Variants in SRGAP2 observed in about 807,000 individuals in gnomAD.
The protein encoded by SRGAP2 is SLIT-ROBO Rho GTPase-activating protein 2.
SRGAP2 carries 15 observed loss-of-function variants against 57.2 expected under a neutral mutation model. The observed-to-expected ratio is 0.26, with a 90% CI of 0.18 to 0.40. SRGAP2 has a LOEUF of 0.40. Ranked by LOEUF, SRGAP2 falls within the 10% of genes least tolerant of loss-of-function variation. SRGAP2 has a pLI of 1.00. For missense variants in SRGAP2, 520 were observed against 669.6 expected (o/e 0.78, Z 2.47); for synonymous variants, 249 against 248.0 (o/e 1.00, Z -0.04).
chr1:206,430,040 GCTT>G, intron 13 of SRGAP2, 119 bp from the exon 14 acceptor site: 1 of 705,232 alleles, frequency 1.4e-6, no homozygotes, highest in Non-Finnish European at 2.6e-6. Context: ...CAGGCCAGGT[GCTT>G]CTTTGTAGAC....
intron 7 of SRGAP2, among the ~76,000 whole-genome samples, chr1:206,399,483 G>A (rs1368536301): frequency 6.6e-6 from 1 of 151,710 alleles, no homozygotes; most frequent in Non-Finnish European, 1.5e-5. Context: ...GGTATTTTAG[G>A]TTCTTCAACA....
At chr1:206,225,832 A>G (rs1667242688) in intron 2 of SRGAP2, among the ~76,000 whole-genome samples, 1 of 151,256 alleles carries the variant, frequency 6.6e-6, no homozygotes, top group African/African-American at 2.4e-5. Flanking sequence ...GAGAGAGAAA[A>G]CTGGAGTTCT....
chr1:206,414,898 C>G (rs1168276870), intron 10 of SRGAP2, among the ~76,000 whole-genome samples: 2 of 152,210 alleles, frequency 1.3e-5, no homozygotes, highest in African/African-American at 4.8e-5. Context: ...AGCATTAATA[C>G]TACAAAATTT....
intron 2 of SRGAP2, among the ~76,000 whole-genome samples, chr1:206,222,983 A>G (rs1362586403): frequency 2.0e-5 from 3 of 151,448 alleles, no homozygotes; most frequent in Non-Finnish European, 4.4e-5. Context: ...TGTGTTGGCC[A>G]GGCTGGTCTT....
At chr1:206,286,249 A>G (rs1332458696) in intron 2 of SRGAP2, among the ~76,000 whole-genome samples, 7 of 151,364 alleles carry the variant, frequency 4.6e-5, no homozygotes, top group African/African-American at 7.3e-5. Flanking sequence ...ATAAATAATG[A>G]AGGAAAAACA....
chr1:206,437,992 C>T lies in SRGAP2; in HGVS notation c.1662C>T (p.Asn554=), dbSNP rs534685024. The T allele has an allele frequency of 1.1e-4, 88 of 780,718 alleles. 2 individuals are homozygous for T. The highest frequency in any genetic ancestry group is 1.1e-3 in the South Asian group (79 of 74,630). The allele number at this position is 780,718 out of a possible 1,614,324, so 48.4% of individuals were successfully genotyped here. The change falls in exon 16 of 23, where the codon AAC becomes AAT. Residue 554 remains asparagine (N), a synonymous_variant. Coordinates refer to ENST00000573034, the MANE Select transcript of SRGAP2 (RefSeq NM_015326.5). ...RGEDPLAGDQ[N]DHDMDSIAGV... ...AGGACCCCCTGGCTGGGGACCAGAA[C>T]GACCATGACATGGATTCCATAGCTG...
At chr1:206,313,944 C>T (rs1236556056) in intron 3 of SRGAP2, among the ~76,000 whole-genome samples, 2 of 151,798 alleles carry the variant, frequency 1.3e-5, no homozygotes, top group South Asian at 2.1e-4. Flanking sequence ...GCACCTGGTA[C>T]AGGAAGAATC....
chr1:206,351,093 C>T (rs1676006170), intron 4 of SRGAP2, among the ~76,000 whole-genome samples: 1 of 152,242 alleles, frequency 6.6e-6, no homozygotes, highest in East Asian at 1.9e-4. Context: ...GATAGGATTT[C>T]CTATGGCGTG....
chr1:206,266,956 G>A (rs1255767641), intron 2 of SRGAP2, among the ~76,000 whole-genome samples: 24 of 133,226 alleles, frequency 1.8e-4, no homozygotes, highest in African/African-American at 7.0e-4. Context: ...AATCTTTCCA[G>A]CAAAACTTAC....
chr1:206,438,089 G>A lies in SRGAP2; in HGVS notation c.1759G>A (p.Ala587Thr), dbSNP rs182729699. The A allele has an allele frequency of 2.4e-5, 19 of 780,738 alleles. No individual in the cohort carries two copies. The highest frequency in any genetic ancestry group is 1.7e-4 in the Admixed American group (10 of 59,034). 48.4% of individuals were successfully genotyped at this position (780,738 alleles called of 1,614,324 possible). ...CAAGGACATCTTTCATGACCTGATG[G>A]CCTGCGTCAGTAAGTACCATTCTGG... is the stretch of plus-strand genomic sequence containing the variant. The part of the protein sequence containing the change: ...FPKDIFHDLM[A>T]CVTMDNLQER... Residue 587 changes from alanine to threonine, a missense_variant, in exon 16 of 23, where the codon GCC becomes ACC. Transcript: ENST00000573034.
chr1:206,446,100 A>T lies in SRGAP2; in HGVS notation c.1900A>T (p.Met634Leu), dbSNP rs1553373621. Residue 634 changes from methionine (M) to leucine (L), a missense_variant, in exon 18 of 23, where the codon ATG becomes TTG. Met to Leu is a conservative substitution (Grantham distance 15). Transcript: ENST00000573034. ...NHLSQFSEEN[M>L]MDPYNLAICF... is the part of the protein sequence containing the mutation. ...TTTATCACAGTTCAGTGAAGAGAAC[A>T]TGATGGACCCCTACAACCTCGCCAT... The T allele has an allele frequency of 1.3e-6, 1 of 780,700 alleles. No individual in the cohort carries two copies. The highest frequency in any genetic ancestry group is 1.7e-5 in the African/African-American group (1 of 59,124). 48.4% of individuals were successfully genotyped at this position (780,700 alleles called of 1,614,324 possible).
At chr1:206,353,491 A>G (rs1383466761) in intron 4 of SRGAP2, among the ~76,000 whole-genome samples, 1 of 151,910 alleles carries the variant, frequency 6.6e-6, no homozygotes, top group Non-Finnish European at 1.5e-5. Flanking sequence ...TACTAAAAAT[A>G]CAAAAATTAG....
At chr1:206,402,101 G>A (rs1658245704) in intron 8 of SRGAP2, among the ~76,000 whole-genome samples, 1 of 151,948 alleles carries the variant, frequency 6.6e-6, no homozygotes, top group Admixed American at 6.6e-5. Flanking sequence ...GCTTTAGTGG[G>A]GAAGCGAGGG....
intron 4 of SRGAP2, among the ~76,000 whole-genome samples, chr1:206,351,096 A>G (rs1191041230): frequency 2.0e-5 from 3 of 152,204 alleles, no homozygotes; most frequent in Admixed American, 6.5e-5. Context: ...AGGATTTCCT[A>G]TGGCGTGTCT....
At chr1:206,272,474 C>T (rs1327735289) in intron 2 of SRGAP2, among the ~76,000 whole-genome samples, 16 of 151,696 alleles carry the variant, frequency 1.1e-4, no homozygotes, top group Admixed American at 9.2e-4. Context: ...TGCAGTGGCA[C>T]GATCTCGGCT....
chr1:206,253,599 G>A (rs1485980749), intron 2 of SRGAP2, among the ~76,000 whole-genome samples: 4 of 115,742 alleles, frequency 3.5e-5, no homozygotes, highest in Admixed American at 3.0e-4. Flanking sequence ...TTTTTGAGGC[G>A]GAGTCTCACT....
At chr1:206,206,248 T>C in intron 2 of SRGAP2, 2 of 520,970 alleles carry the variant, frequency 3.8e-6, no homozygotes, top group South Asian at 4.8e-5. Flanking sequence ...TGCAGTGGGC[T>C]GTAGGAGTAT....
chr1:206,445,440 T>C (rs1017073940), intron 17 of SRGAP2, among the ~76,000 whole-genome samples: 18 of 152,246 alleles, frequency 1.2e-4, no homozygotes, highest in African/African-American at 3.9e-4. Context: ...GAAAAAATCC[T>C]GAATGTAATA....
At chr1:206,430,901 C>T (rs1177919979) in intron 14 of SRGAP2, among the ~76,000 whole-genome samples, 2 of 152,108 alleles carry the variant, frequency 1.3e-5, no homozygotes, top group Non-Finnish European at 2.9e-5. Flanking sequence ...ATTGATTTCC[C>T]AGGGATTAGA....
Sources: gnomAD v4.1 joint callset for allele counts (sites outside exome capture counted in the v4.1 genomes callset) on GRCh38, gnomAD v4.1.1 for gene constraint, MANE v1.5 for transcripts, NCBI Gene and HGNC (gene_info 2026-07-23, HGNC 2026-07-21) for gene names.